POLK: variants seen among roughly 807,000 people sequenced by gnomAD.
POLK encodes the protein polymerase (DNA directed) kappa.
A neutral mutation model predicts 94.0 loss-of-function variants in POLK; 76 were observed. That is an observed-to-expected ratio of 0.81 (90% CI 0.67 to 0.98). The LOEUF is 0.98. Ranked by LOEUF, POLK falls within the 50% of genes least tolerant of loss-of-function variation. POLK has a pLI of 0.00. For synonymous variants in POLK, 349 were observed against 325.4 expected (o/e 1.07, Z -0.78); for missense variants, 954 against 1,010.1 (o/e 0.94, Z 0.75).
the POLK span, among the ~76,000 whole-genome samples, chr5:75,608,084 AAAGAC>A: frequency 7.9e-5 from 12 of 152,222 alleles, no homozygotes; most frequent in Non-Finnish European, 1.3e-4. Context: ...TTCAGGACTC[AAAGAC>A]AAGTTACTGT....
At chr5:75,534,533 C>G (rs997831184) in intron 1 of POLK, among the ~76,000 whole-genome samples, 1 of 152,026 alleles carries the variant, frequency 6.6e-6, no homozygotes, top group African/African-American at 2.4e-5. Flanking sequence ...TAGTTTGTTG[C>G]CTCAATGATA....
chr5:75,524,340 G>A (rs889223426), intron 1 of POLK, among the ~76,000 whole-genome samples: 2 of 152,092 alleles, frequency 1.3e-5, no homozygotes, highest in African/African-American at 4.8e-5. Context: ...TTGAATGACT[G>A]TCTTAACCCA....
At chr5:75,547,032 A>C in exon 2 of POLK, 1 of 1,520,224 alleles carries the variant, frequency 6.6e-7, no homozygotes, top group Non-Finnish European at 8.9e-7. Flanking sequence ...CATGGATAGC[A>C]CAAAGGAGAA....
chr5:75,535,520 T>A (rs913793139), intron 1 of POLK, among the ~76,000 whole-genome samples: 4 of 151,694 alleles, frequency 2.6e-5, no homozygotes, highest in African/African-American at 9.7e-5. Flanking sequence ...GACAATTTCA[T>A]GGACAATATC....
intron 1 of POLK, among the ~76,000 whole-genome samples, chr5:75,524,679 G>C (rs1441117539): frequency 1.3e-5 from 2 of 152,042 alleles, no homozygotes; most frequent in African/African-American, 2.4e-5. Flanking sequence ...GATTTTGGAG[G>C]GTATCAAACT....
the POLK span, among the ~76,000 whole-genome samples, chr5:75,607,800 G>C: frequency 6.6e-6 from 1 of 152,174 alleles, no homozygotes; most frequent in Non-Finnish European, 1.5e-5. Context: ...AATCCTAGCT[G>C]ATAAAGGACA....
At chr5:75,515,324 T>A (rs1768273448) in intron 1 of POLK, among the ~76,000 whole-genome samples, 1 of 152,200 alleles carries the variant, frequency 6.6e-6, no homozygotes, top group Non-Finnish European at 1.5e-5. Flanking sequence ...GAAATTATAA[T>A]AAAAATAAAA....
chr5:75,577,025 C>A (rs1771919727), intron 6 of POLK, 92 bp downstream of exon 6: 1 of 735,372 alleles, frequency 1.4e-6, no homozygotes, highest in Non-Finnish European at 2.1e-6. Flanking sequence ...TATTAGCCTG[C>A]ATAGGTAGAA....
chr5:75,542,294 TTC>T (rs879637352), intron 1 of POLK, among the ~76,000 whole-genome samples: 1 of 152,028 alleles, frequency 6.6e-6, no homozygotes, highest in Non-Finnish European at 1.5e-5. Context: ...GTATTCATAC[TTC>T]TCTCTCTCTT....
intron 3 of POLK, among the ~76,000 whole-genome samples, chr5:75,563,399 A>G (rs1444176406): frequency 6.6e-6 from 1 of 151,542 alleles, no homozygotes; most frequent in African/African-American, 2.4e-5. Flanking sequence ...TATCTCCTTC[A>G]GTTTTGCTCT....
chr5:75,595,681 A>G (rs1418755983), intron 12 of POLK, among the ~76,000 whole-genome samples: 1 of 152,208 alleles, frequency 6.6e-6, no homozygotes. Flanking sequence ...TCCAGCGCCC[A>G]GGATGTATTC....
At chr5:75,518,044 T>G (rs12153134) in intron 1 of POLK, among the ~76,000 whole-genome samples, 5,029 of 152,306 alleles carry the variant, frequency 0.033, 111 homozygotes, top group Middle Eastern at 0.054. Flanking sequence ...TTGTTGAGAA[T>G]TTTTGCATCT....
intron 13 of POLK, 65 bp downstream of exon 13, chr5:75,597,243 ATTG>A: frequency 1.2e-6 from 1 of 847,836 alleles, no homozygotes; most frequent in Non-Finnish European, 1.9e-6. Flanking sequence ...AATTAATGAG[ATTG>A]TTGTTAAATC....
chr5:75,575,960 A>T (rs1228073406), intron 5 of POLK, among the ~76,000 whole-genome samples: 1 of 152,168 alleles, frequency 6.6e-6, no homozygotes, highest in Non-Finnish European at 1.5e-5. Flanking sequence ...CCCAAGCTGG[A>T]AAATATGCAT....
At chr5:75,557,631 A>G (rs966418783) in intron 3 of POLK, among the ~76,000 whole-genome samples, 2 of 152,152 alleles carry the variant, frequency 1.3e-5, no homozygotes, top group Non-Finnish European at 2.9e-5. Context: ...GAAAAATCTT[A>G]AGTTGAACCA....
chr5:75,523,000 G>A lies in POLK; in HGVS notation c.-14+11086G>A, dbSNP rs368104243. 2.0e-4 allele frequency among the ~76,000 whole-genome samples: 30 copies of A among 152,228 alleles called. No homozygotes were observed. The East Asian group carries it at 3.1e-3, about 16-fold the overall frequency. The stretch of plus-strand genomic sequence containing the variant: ...GGTATATAATGACTAATGTAACTAC[G>A]TTCTTCAATTTTATTTTACAACCAA... On this transcript the variant is annotated intron_variant, in intron 1 of 14. Coordinates refer to ENST00000241436, the Ensembl canonical transcript of POLK.
chr5:75,608,419 T>G, the POLK span, among the ~76,000 whole-genome samples: 4 of 152,290 alleles, frequency 2.6e-5, no homozygotes, highest in South Asian at 4.1e-4. Flanking sequence ...GGCCTCAAAC[T>G]CCTGGCCTCA....
chr5:75,597,753 C>G lies in POLK; in HGVS notation c.2492C>G (p.Ser831Ter). 2.0e-6 allele frequency: 3 copies of G among 1,499,650 alleles called. No individual in the cohort carries two copies. The highest frequency in any genetic ancestry group is 2.7e-6 in the Non-Finnish European group (3 of 1,117,972). The allele number at this position is 1,499,650 out of a possible 1,614,324, so 92.9% of individuals were successfully genotyped here. A position where few individuals can be genotyped will look rare whatever the true frequency, so the allele number is the denominator to read the frequency against. Reference sequence around the variant, plus strand: ...GACTTTCTTTCCTCTAAAGGTAGCTCAAGTGGAGTACAGAAGGCTGTAACA... The same window carrying G: ...GACTTTCTTTCCTCTAAAGGTAGCTGAAGTGGAGTACAGAAGGCTGTAACA... Residue 831 changes from serine (S) to a stop codon, truncating the protein, a stop_gained, in exon 14 of 15, where the codon TCA becomes TGA. Transcript: ENST00000241436. LOFTEE classifies it high-confidence loss of function.
At chr5:75,569,670 A>G (rs1464218546) in intron 4 of POLK, among the ~76,000 whole-genome samples, 178 bp downstream of exon 4, 1 of 152,118 alleles carries the variant, frequency 6.6e-6, no homozygotes, top group African/African-American at 2.4e-5. Context: ...GGGGACCCCA[A>G]CCCCCAGTTC....
Sources: allele counts gnomAD v4.1 joint callset (sites outside exome capture counted in the v4.1 genomes callset), GRCh38; gene constraint gnomAD v4.1.1; transcripts MANE v1.5; gene names NCBI Gene and HGNC (gene_info 2026-07-23, HGNC 2026-07-21).